SEMA4B: variants seen among roughly 807,000 people sequenced by gnomAD.
The protein encoded by SEMA4B is semaphorin 4B.
SEMA4B carries 55 observed loss-of-function variants against 88.1 expected under a neutral mutation model. That is an observed-to-expected ratio of 0.62 (90% CI 0.50 to 0.78). The LOEUF (loss-of-function observed/expected upper bound fraction) is 0.78. SEMA4B is among the 30% of genes least tolerant of loss of function. SEMA4B has a pLI of 0.00. For synonymous variants in SEMA4B, 525 were observed against 473.6 expected (o/e 1.11, Z -1.41); for missense variants, 1,062 against 1,111.9 (o/e 0.96, Z 0.64).
rs1156707492 is a variant in SEMA4B, at chr15:90,229,151, CGT to C, written c.*510_*511del. On this transcript the variant is annotated 3_prime_UTR_variant, in exon 14 of 14. Transcript: ENST00000411539. ...GCAGATTCAGGACCAGCTTGGGCTG[CGT>C]GCGTTCTGCCTTGCCAGTCAGCCGA... The C allele has an allele frequency of 5.4e-6, 2 of 370,128 alleles. No individual in the cohort carries two copies. The highest frequency in any genetic ancestry group is 4.2e-5 in the African/African-American group (2 of 47,214). The allele number at this position is 370,128 out of a possible 1,614,324, so 22.9% of individuals were successfully genotyped here. A position where few individuals can be genotyped will look rare whatever the true frequency, so the allele number is the denominator to read the frequency against.
intron 1 of SEMA4B, among the ~76,000 whole-genome samples, chr15:90,188,628 A>T (rs559050326): frequency 1.3e-5 from 2 of 152,040 alleles, no homozygotes; most frequent in Non-Finnish European, 2.9e-5. Context: ...ACTCCGTCTC[A>T]AAATAAATAA....
rs143999805 is a variant in SEMA4B at position 90,187,862 on chromosome 15, G to A, written c.-122+2781G>A. Among the ~76,000 whole-genome samples, 916 of 151,950 alleles carry A rather than the reference G, an allele frequency of 6.0e-3. 9 individuals carry two copies. Among genetic ancestry groups the A allele is most frequent in the African/African-American group, 0.021 (864 of 41,434 alleles). ...TCTACTAAAAATACAAAAATTAGCC[G>A]GGCATGGTGGTGCATGCCTGTAATC... On this transcript the variant is annotated intron_variant, in intron 1 of 14. Transcript: ENST00000332496.
chr15:90,196,448 T>A (rs1960509758), upstream of SEMA4B, among the ~76,000 whole-genome samples: 1 of 152,180 alleles, frequency 6.6e-6, no homozygotes, highest in South Asian at 2.1e-4. Flanking sequence ...CATCCACTGA[T>A]GATTCTTACT....
At chr15:90,197,726 C>T (rs1271096088), upstream of SEMA4B, among the ~76,000 whole-genome samples, 1 of 151,408 alleles carries the variant, frequency 6.6e-6, no homozygotes, top group African/African-American at 2.4e-5. Flanking sequence ...CGTGAGCCAC[C>T]ATGCCCGGCC....
At position 90,201,531 on chromosome 15, in the gene SEMA4B, G is replaced by T; in HGVS notation, c.-48G>T. 2 of 1,357,512 alleles carry T rather than the reference G, an allele frequency of 1.5e-6. No individual in the cohort carries two copies. Among genetic ancestry groups the T allele is most frequent in the Non-Finnish European group, 1.9e-6 (2 of 1,059,436 alleles). 84.1% of individuals were successfully genotyped at this position (1,357,512 alleles called of 1,614,324 possible). A position where few individuals can be genotyped will look rare whatever the true frequency, so the allele number is the denominator to read the frequency against. ...GGAGCTGCCGCCCGTGAGTCCGGCC[G>T]AGCCACCTGAGCCCGAGCCGCGGGA... On this transcript the variant is annotated 5_prime_UTR_variant, in exon 1 of 14. Transcript: ENST00000411539.
intron 1 of SEMA4B, among the ~76,000 whole-genome samples, chr15:90,216,083 G>T (rs571106209): frequency 6.6e-6 from 1 of 151,600 alleles, no homozygotes; most frequent in Admixed American, 6.6e-5. Flanking sequence ...CTGCATCCCA[G>T]GTTCAAGCGA....
chr15:90,224,082 C>T (rs941013067), intron 9 of SEMA4B, 94 bp downstream of exon 9: 18 of 1,219,834 alleles, frequency 1.5e-5, no homozygotes, highest in Admixed American at 2.6e-5. Context: ...TCGGGCAGAT[C>T]ACTTGGCTTC....
At chr15:90,222,254 C>T (rs76619542) in intron 7 of SEMA4B, among the ~76,000 whole-genome samples, 22,363 of 68,530 alleles carry the variant, frequency 0.33, 2,712 homozygotes, top group East Asian at 0.71. Flanking sequence ...TTTTTCTTTT[C>T]TTTTTTTTTT....
intron 1 of SEMA4B, among the ~76,000 whole-genome samples, chr15:90,205,676 T>C (rs1452220861): frequency 4.6e-5 from 7 of 152,248 alleles, no homozygotes; most frequent in Admixed American, 4.6e-4. Context: ...TCTGGTGTGC[T>C]AGAAACCCCC....
chr15:90,227,989 ACT>A lies in SEMA4B; in HGVS notation c.1863_1864del (p.Trp622AlafsTer63). ...CPLLSNLATR[L>X]WLRNGAPVNA... The stretch of plus-strand genomic sequence containing the variant: ...CGCTCCTCTCCAACCTGGCGACCCG[ACT>A]CTGGCTACGCAACGGGGCCCCCGTC... On this transcript the variant is annotated frameshift_variant, in exon 14 of 14. Coordinates refer to ENST00000411539, the MANE Select transcript of SEMA4B (RefSeq NM_198925.4). LOFTEE classifies it high-confidence loss of function. 6.2e-7 allele frequency: 1 copy of A among 1,613,596 alleles called. No homozygotes were observed. The highest frequency in any genetic ancestry group is 8.5e-7 in the Non-Finnish European group (1 of 1,179,812).
chr15:90,219,726 G>A (rs1249389732), intron 3 of SEMA4B, 67 bp from the exon 4 acceptor site: 18 of 1,276,034 alleles, frequency 1.4e-5, no homozygotes, highest in South Asian at 2.6e-5. Flanking sequence ...GGAAGGGGGG[G>A]CTCGGCGGTG....
chr15:90,187,470 A>C (rs1322547760), intron 1 of SEMA4B, among the ~76,000 whole-genome samples: 1 of 152,228 alleles, frequency 6.6e-6, no homozygotes, highest in Non-Finnish European at 1.5e-5. Flanking sequence ...TTGTCCCTGC[A>C]TTCAAGGAGC....
At position 90,225,156 on chromosome 15, in the gene SEMA4B, C is replaced by T. The variant is rs532374158; in HGVS notation, c.1383C>T (p.Tyr461=). The change falls in exon 10 of 14, where the codon TAC becomes TAT. Residue 461 remains tyrosine, a synonymous_variant. Coordinates refer to ENST00000411539, the MANE Select transcript of SEMA4B (RefSeq NM_198925.4). ...VHRVPGLHHT[Y]DVLFLGTGDG... ...GCGTCCCTGGCCTGCACCACACCTA[C>T]GATGTCCTCTTCCTGGGCACTGGTA... 8.7e-6 allele frequency: 14 copies of T among 1,609,234 alleles called. No homozygotes were observed. The African/African-American group carries it at 1.1e-4, about 12-fold the overall frequency.
At chr15:90,205,659 C>T (rs752020306) in intron 1 of SEMA4B, among the ~76,000 whole-genome samples, 3 of 152,236 alleles carry the variant, frequency 2.0e-5, no homozygotes, top group Non-Finnish European at 4.4e-5. Flanking sequence ...AAAAAGGTAG[C>T]TTCTGCTCTG....
intron 1 of SEMA4B, among the ~76,000 whole-genome samples, chr15:90,203,826 G>C (rs1454278699): frequency 1.3e-5 from 2 of 152,216 alleles, no homozygotes; most frequent in Non-Finnish European, 2.9e-5. Flanking sequence ...CTTGGGGCTA[G>C]GTCTGCCCGG....
chr15:90,185,164 C>T (rs1960126358), intron 1 of SEMA4B: 8 of 767,648 alleles, frequency 1.0e-5, no homozygotes, highest in Non-Finnish European at 1.3e-5. Context: ...GCAGCCGCTG[C>T]CCCCACCCTT....
upstream of SEMA4B, among the ~76,000 whole-genome samples, chr15:90,199,366 T>G (rs1960619768): frequency 6.6e-6 from 1 of 152,072 alleles, no homozygotes; most frequent in Non-Finnish European, 1.5e-5. Context: ...AGGAGTGAGA[T>G]AATGAGAGGA....
chr15:90,213,731 G>T (rs561442376), intron 1 of SEMA4B, among the ~76,000 whole-genome samples: 1 of 152,234 alleles, frequency 6.6e-6, no homozygotes, highest in Non-Finnish European at 1.5e-5. Flanking sequence ...TCTTTTGCAG[G>T]TAGATAAGCA....
chr15:90,194,233 A>T (rs1004872917), intron 1 of SEMA4B, among the ~76,000 whole-genome samples: 5 of 152,066 alleles, frequency 3.3e-5, no homozygotes, highest in Admixed American at 1.3e-4. Context: ...TGTTCAGCCT[A>T]TAAAAGATAT....
Sources: gnomAD v4.1 joint callset for allele counts (sites outside exome capture counted in the v4.1 genomes callset) on GRCh38, gnomAD v4.1.1 for gene constraint, MANE v1.5 for transcripts, NCBI Gene and HGNC (gene_info 2026-07-23, HGNC 2026-07-21) for gene names.